LLGL1: variants seen among roughly 807,000 people sequenced by gnomAD.
The protein encoded by LLGL1 is lethal(2) giant larvae protein homolog 1.
Under a neutral mutation model 110.6 loss-of-function variants are expected in LLGL1, and 58 were observed. The observed-to-expected ratio is 0.52, with a 90% CI of 0.42 to 0.65. The LOEUF (loss-of-function observed/expected upper bound fraction) is 0.65. LLGL1 is among the 30% of genes least tolerant of loss of function. The probability of loss-of-function intolerance (pLI) is 0.00; values close to 1 mark genes in which losing one functional copy is unlikely to be tolerated. For missense variants in LLGL1, 1,229 were observed against 1,462.1 expected, an observed-to-expected ratio of 0.84 and a Z score of 2.60; for synonymous variants, 674 against 607.2, an observed-to-expected ratio of 1.11 and a Z score of -1.62.
At position 18,237,609 on chromosome 17, in the gene LLGL1, G is replaced by C; in HGVS notation, c.1740G>C (p.Pro580=). The change falls in exon 14 of 23, where the codon CCG becomes CCC. Residue 580 remains proline, a synonymous_variant. Coordinates refer to ENST00000316843, the MANE Select transcript of LLGL1 (RefSeq NM_004140.4). ...GHERLSPRTG[P]LPWPAGFQPR... Reference sequence around the variant, plus strand: ...AGCGGCTGAGCCCACGCACGGGGCCGCTGCCCTGGCCTGCTGGCTTCCAGC... The same window carrying C: ...AGCGGCTGAGCCCACGCACGGGGCCCCTGCCCTGGCCTGCTGGCTTCCAGC... 1.9e-6 allele frequency: 3 copies of C among 1,611,124 alleles called. No homozygotes were observed. The highest frequency in any genetic ancestry group is 4.2e-4 in the Middle Eastern group (2 of 4,766).
At chr17:18,241,749 C>T in intron 18 of LLGL1, 34 bp downstream of exon 18, 2 of 1,608,922 alleles carry the variant, frequency 1.2e-6, no homozygotes. Flanking sequence ...AGGCCTTCCT[C>T]AGGCGAGCGA....
chr17:18,240,692 T>C lies in LLGL1; in HGVS notation c.2321T>C (p.Val774Ala). The C allele has an allele frequency of 1.2e-6, 2 of 1,613,048 alleles. No homozygotes were observed. Among genetic ancestry groups the C allele is most frequent in the South Asian group, 2.2e-5 (2 of 91,026 alleles). ...GGTGAGAAGCGGCCTGAGCAAGCGG[T>C]GGAGGCCGTGCTGGGCAAGGAGGTG... ...VGGEKRPEQA[V>A]EAVLGKEVQL... is the part of the protein sequence containing the mutation. The change falls in exon 17 of 23, where the codon GTG becomes GCG. Residue 774 changes from valine to alanine, a missense_variant. Physicochemically the swap from Val to Ala is moderately conservative, Grantham distance 64 (BLOSUM62 0). Coordinates refer to ENST00000316843, the MANE Select transcript of LLGL1 (RefSeq NM_004140.4). The surrounding 1 kb of genome is among the most constrained non-coding windows in gnomAD (Gnocchi z 5.3).
intron 8 of LLGL1, 24 bp from the exon 9 acceptor site, chr17:18,234,815 T>C (rs747699285): frequency 6.2e-6 from 10 of 1,613,370 alleles, no homozygotes; most frequent in Middle Eastern, 1.6e-4. Context: ...GGTTCATGGC[T>C]CGCACACCTC....
rs1160213425 is a variant in LLGL1 at position 18,240,042 on chromosome 17, T to A, written c.2207-536T>A. 2.0e-5 allele frequency among the ~76,000 whole-genome samples: 3 copies of A among 151,982 alleles called. No homozygotes were observed. The highest frequency in any genetic ancestry group is 4.4e-5 in the Non-Finnish European group (3 of 67,976). ...GCAGAGCAGGGTCGATGGATGGTCG[T>A]CCTAGGTGTCCCCAGGCTTGGCGGC... On this transcript the variant is annotated intron_variant, in intron 16 of 22. Coordinates refer to ENST00000316843, the MANE Select transcript of LLGL1 (RefSeq NM_004140.4). The surrounding 1 kb of genome is among the most constrained non-coding windows in gnomAD (Gnocchi z 5.3).
At position 18,241,908 on chromosome 17, in the gene LLGL1, G is replaced by A; in HGVS notation, c.2791G>A (p.Glu931Lys). The stretch of plus-strand genomic sequence containing the variant: ...AGGCTTTTACCTGATATCCCCATCA[G>A]AATTTGAACGCTTCTCCCTAAGTGC... ...GQGFYLISPSEFERFSLSARN... is the reference protein window; with the variant it reads ...GQGFYLISPSKFERFSLSARN... Residue 931 changes from glutamate to lysine, a missense_variant, in exon 19 of 23, where the codon GAA becomes AAA. Transcript: ENST00000316843. The A allele has an allele frequency of 6.2e-7, 1 of 1,614,102 alleles. No homozygotes were observed. Among genetic ancestry groups the A allele is most frequent in the South Asian group, 1.1e-5 (1 of 91,084 alleles).
rs952935851 is a variant in LLGL1 at position 18,238,333 on chromosome 17, C to T, written c.2052+119C>T. The T allele has an allele frequency of 5.7e-6, 9 of 1,571,986 alleles. No individual in the cohort carries two copies. The Admixed American group carries it at 6.8e-5, about 12-fold the overall frequency. ...CTCCTCCCTCGGCAGCCCCTGGGCC[C>T]TCCAGAGGGATGGGTGAACTAAGCT... On this transcript the variant is annotated intron_variant, in intron 15 of 22. Transcript: ENST00000316843.
intron 21 of LLGL1, 34 bp from the exon 22 acceptor site, chr17:18,242,709 G>T (rs901567159): frequency 1.0e-5 from 13 of 1,280,696 alleles, no homozygotes; most frequent in African/African-American, 1.5e-5. Flanking sequence ...GGGCTCCCCC[G>T]CCCCCACCCC....
intron 2 of LLGL1, among the ~76,000 whole-genome samples, chr17:18,231,072 C>G (rs533398683): frequency 6.6e-6 from 1 of 152,330 alleles, no homozygotes; most frequent in East Asian, 1.9e-4. Flanking sequence ...TCAGGTGTCC[C>G]TCCTGTGTTG....
chr17:18,235,459 C>T lies in LLGL1; in HGVS notation c.1285-11C>T, dbSNP rs1327253274. ...TAACCTTGTGCATACATCTCTGCCACCCCCTCCCAGAGCTGGCCCATCACT... is the reference window on the plus strand; with the variant it reads ...TAACCTTGTGCATACATCTCTGCCATCCCCTCCCAGAGCTGGCCCATCACT... On this transcript the variant is annotated splice_polypyrimidine_tract_variant and intron_variant, in intron 10 of 22. Coordinates refer to ENST00000316843, the MANE Select transcript of LLGL1 (RefSeq NM_004140.4). The T allele has an allele frequency of 2.5e-6, 4 of 1,613,972 alleles. No homozygotes were observed. Among genetic ancestry groups the T allele is most frequent in the Non-Finnish European group, 2.5e-6 (3 of 1,179,926 alleles).
Position 18,241,648 on chromosome 17 carries a change from C to T in LLGL1, c.2700C>T (p.His900=). ...FSVPGLRPQV[H]YSCIRKEDIS... is the part of the protein sequence containing the mutation. ...TGCCTGGCCTGCGGCCCCAGGTGCA[C>T]TATTCCTGCATCCGGAAGGAGGACA... The change falls in exon 18 of 23, where the codon CAC becomes CAT. Residue 900 remains histidine (H), a synonymous_variant. Coordinates refer to ENST00000316843, the MANE Select transcript of LLGL1 (RefSeq NM_004140.4). The T allele has an allele frequency of 6.2e-7, 1 of 1,613,766 alleles. No homozygotes were observed. The highest frequency in any genetic ancestry group is 8.5e-7 in the Non-Finnish European group (1 of 1,180,026).
intron 22 of LLGL1, 61 bp downstream of exon 22, chr17:18,242,883 C>T: frequency 6.9e-7 from 1 of 1,448,134 alleles, no homozygotes; most frequent in Non-Finnish European, 9.2e-7. Flanking sequence ...TTCAGCCCGT[C>T]TGGGTACCAT....
chr17:18,225,695 C>A lies in LLGL1; in HGVS notation c.13C>A (p.Arg5=). The A allele has an allele frequency of 9.6e-7, 1 of 1,037,894 alleles. No homozygotes were observed. The allele number at this position is 1,037,894 out of a possible 1,614,324, so 64.3% of individuals were successfully genotyped here. A position where few individuals can be genotyped will look rare whatever the true frequency, so the allele number is the denominator to read the frequency against. Residue 5 remains arginine (R), a synonymous_variant, in exon 1 of 23, where the codon CGG becomes AGG. Coordinates refer to ENST00000316843, the MANE Select transcript of LLGL1 (RefSeq NM_004140.4). ...AGCCGGGCGCAAGATGATGAAGTTT[C>A]GGTTCCGGCGGCAGGGCGCCGACCC... is the stretch of plus-strand genomic sequence containing the variant. MMKF[R]FRRQGADPQR...
At chr17:18,242,897 G>A in intron 22 of LLGL1, 75 bp downstream of exon 22, 1 of 1,384,304 alleles carries the variant, frequency 7.2e-7, no homozygotes, top group Non-Finnish European at 9.7e-7. Flanking sequence ...GTACCATTTG[G>A]CCCTGGTCTT....
intron 1 of LLGL1, 54 bp downstream of exon 1, chr17:18,225,817 T>C (rs1430043973): frequency 2.9e-5 from 4 of 136,326 alleles, no homozygotes; most frequent in Non-Finnish European, 4.9e-5. Context: ...GACGGGGGCC[T>C]GGGCTGGGGG....
At chr17:18,239,345 T>C (rs890065611) in intron 16 of LLGL1, among the ~76,000 whole-genome samples, 1 of 152,132 alleles carries the variant, frequency 6.6e-6, no homozygotes. Flanking sequence ...GGGAAGGTCC[T>C]GGATTTGTTG....
Position 18,232,707 on chromosome 17 carries a change from G to A in LLGL1, c.297G>A (p.Leu99=). Residue 99 remains leucine, a synonymous_variant, in exon 4 of 23, where the codon CTG becomes CTA. Coordinates refer to ENST00000316843, the MANE Select transcript of LLGL1 (RefSeq NM_004140.4). ...RLLSLLDDSS[L]HLWEIVHHNG... ...TGTCCCTGCTTGATGACAGCAGTCT[G>A]CATCTCTGGGAGATTGTCCACCATA... The A allele has an allele frequency of 6.2e-7, 1 of 1,614,188 alleles. No homozygotes were observed. The highest frequency in any genetic ancestry group is 8.5e-7 in the Non-Finnish European group (1 of 1,180,036).
chr17:18,237,103 G>T, intron 13 of LLGL1, 164 bp downstream of exon 13: 1 of 635,400 alleles, frequency 1.6e-6, no homozygotes, highest in East Asian at 2.7e-5. Flanking sequence ...TGGGAAGTGG[G>T]CCTGTCGCTG....
Position 18,242,251 on chromosome 17 carries a change from C to T in LLGL1, c.2968C>T (p.Pro990Ser). The T allele has an allele frequency of 1.2e-6, 2 of 1,614,046 alleles. No individual in the cohort carries two copies. The highest frequency in any genetic ancestry group is 1.6e-4 in the Middle Eastern group (1 of 6,062). ...GGCCCCACAGAGCCTTGATGGAAGCCCTGATCCAGCCCACAGCATGGGACC... is the reference window on the plus strand; with the variant it reads ...GGCCCCACAGAGCCTTGATGGAAGCTCTGATCCAGCCCACAGCATGGGACC... ...LLAPQSLDGS[P>S]DPAHSMGPDT... Residue 990 changes from proline to serine, a missense_variant, in exon 20 of 23, where the codon CCT becomes TCT. Pro to Ser is a moderately conservative substitution (Grantham distance 74). Coordinates refer to ENST00000316843, the MANE Select transcript of LLGL1 (RefSeq NM_004140.4).
chr17:18,234,505 G>T, intron 7 of LLGL1, 97 bp downstream of exon 7: 1 of 1,578,394 alleles, frequency 6.3e-7, no homozygotes, highest in South Asian at 1.1e-5. Flanking sequence ...CCGAGGGGGT[G>T]GTCTGGGGGC....
Sources: gnomAD v4.1 joint callset for allele counts (sites outside exome capture counted in the v4.1 genomes callset) on GRCh38, gnomAD v4.1.1 for gene constraint, Gnocchi (gnomAD v3.1) non-coding constraint, MANE v1.5 for transcripts, NCBI Gene and HGNC (gene_info 2026-07-23, HGNC 2026-07-21) for gene names.